NELL1: variants seen among roughly 807,000 people sequenced by gnomAD.
NELL1 encodes neural EGFL like 1.
A neutral mutation model predicts 107.4 loss-of-function variants in NELL1; 76 were observed. That is an observed-to-expected ratio of 0.71 (90% CI 0.59 to 0.86). The LOEUF (loss-of-function observed/expected upper bound fraction) is 0.86. NELL1 is among the 40% of genes least tolerant of loss of function. The probability of loss-of-function intolerance (pLI) is 0.00; values close to 1 mark genes in which losing one functional copy is unlikely to be tolerated. For synonymous variants in NELL1, 353 were observed against 341.2 expected (o/e 1.03, Z -0.38); for missense variants, 1,024 against 1,005.5 (o/e 1.02, Z -0.25).
intron 2 of NELL1, among the ~76,000 whole-genome samples, chr11:20,712,302 T>G (rs1855133425): frequency 6.8e-6 from 1 of 146,322 alleles, no homozygotes; most frequent in South Asian, 2.1e-4. Context: ...TTCCAGAAAT[T>G]ATAATTTTTT....
chr11:20,748,495 C>A (rs1856053967), intron 2 of NELL1, among the ~76,000 whole-genome samples: 1 of 152,078 alleles, frequency 6.6e-6, no homozygotes, highest in African/African-American at 2.4e-5. Context: ...TTTTAGTGTA[C>A]CCATCATCTG....
At chr11:21,232,159 A>AAAAAATATATAT (rs1554985116) in intron 14 of NELL1, among the ~76,000 whole-genome samples, 1 of 73,208 alleles carries the variant, frequency 1.4e-5, no homozygotes, top group Non-Finnish European at 2.8e-5. Flanking sequence ...AAAAAAAAAA[A>AAAAAATATATAT]ATATATATAT....
intron 14 of NELL1, among the ~76,000 whole-genome samples, chr11:21,264,415 G>A (rs1848598293): frequency 6.6e-6 from 1 of 151,792 alleles, no homozygotes; most frequent in Non-Finnish European, 1.5e-5. Context: ...GTTGTATCTG[G>A]AATGAAGGAA....
intron 13 of NELL1, among the ~76,000 whole-genome samples, chr11:21,187,933 AC>A (rs1405641183): frequency 1.3e-5 from 2 of 151,852 alleles, no homozygotes; most frequent in African/African-American, 4.9e-5. Flanking sequence ...GACTTTTAGA[AC>A]CTCAATTTCT....
At chr11:21,437,783 A>G (rs1237427715) in intron 15 of NELL1, among the ~76,000 whole-genome samples, 2 of 152,156 alleles carry the variant, frequency 1.3e-5, no homozygotes, top group Non-Finnish European at 2.9e-5. Flanking sequence ...TTTTCAGTCT[A>G]TACTTACAAG....
In NELL1 at chr11:21,096,288, A is replaced by G. The variant is rs945236973; in HGVS notation, c.1301-17301A>G. Among the ~76,000 whole-genome samples, 28 of 152,214 alleles carry G rather than the reference A, an allele frequency of 1.8e-4. No homozygotes were observed. In the Middle Eastern group the frequency reaches 0.01, roughly 55 times the overall value. On this transcript the variant is annotated intron_variant, in intron 12 of 19. Coordinates refer to ENST00000357134, the MANE Select transcript of NELL1 (RefSeq NM_006157.5). ...TTCTTTGGAAACCTTATTGCATTGTAAAAAAACGTCCCCTACATCCTCATT... is the reference window on the plus strand; with the variant it reads ...TTCTTTGGAAACCTTATTGCATTGTGAAAAAACGTCCCCTACATCCTCATT...
At chr11:20,814,553 G>A (rs1442543211) in intron 3 of NELL1, among the ~76,000 whole-genome samples, 3 of 152,196 alleles carry the variant, frequency 2.0e-5, no homozygotes, top group African/African-American at 7.2e-5. Context: ...TGCAGTGTTT[G>A]GTTTTCTATT....
intron 14 of NELL1, among the ~76,000 whole-genome samples, chr11:21,347,505 G>T (rs1850710648): frequency 6.6e-6 from 1 of 152,134 alleles, no homozygotes; most frequent in South Asian, 2.1e-4. Flanking sequence ...GGGAGGCTGA[G>T]GCAGGAGAAT....
At chr11:21,272,069 G>A (rs1273974997) in intron 14 of NELL1, among the ~76,000 whole-genome samples, 1 of 152,196 alleles carries the variant, frequency 6.6e-6, no homozygotes, top group Non-Finnish European at 1.5e-5. Context: ...GACAGTGGGT[G>A]CAGTGCACCG....
chr11:20,862,459 T>A (rs1848995313), intron 4 of NELL1, among the ~76,000 whole-genome samples: 1 of 152,190 alleles, frequency 6.6e-6, no homozygotes, highest in African/African-American at 2.4e-5. Flanking sequence ...TGACACATTA[T>A]TACCACCCAA....
chr11:21,063,706 C>G (rs575690857), intron 12 of NELL1, among the ~76,000 whole-genome samples: 1 of 152,186 alleles, frequency 6.6e-6, no homozygotes, highest in African/African-American at 2.4e-5. Flanking sequence ...AGCAAAAAGA[C>G]GAATTCACCA....
chr11:21,023,058 C>T lies in NELL1; in HGVS notation c.1300+62498C>T, dbSNP rs559809788. Among the ~76,000 whole-genome samples, 125 of 152,122 alleles carry T rather than the reference C, an allele frequency of 8.2e-4. 2 individuals carry two copies. Among genetic ancestry groups the T allele is most frequent in the Non-Finnish European group, 1.1e-3 (77 of 67,972 alleles). On this transcript the variant is annotated intron_variant, in intron 12 of 19. Transcript: ENST00000357134. ...GGCCTGCATCTGGGAAGAATACTCA[C>T]TGAAATTTTCTAACCCAAAGCTTAA... is the stretch of plus-strand genomic sequence containing the variant.
At chr11:20,845,052 A>G (rs556404286) in intron 3 of NELL1, among the ~76,000 whole-genome samples, 3 of 152,286 alleles carry the variant, frequency 2.0e-5, no homozygotes, top group African/African-American at 7.2e-5. Context: ...GATGTCACTT[A>G]GCCATCCAGT....
chr11:21,148,888 G>A (rs1338617978), intron 13 of NELL1, among the ~76,000 whole-genome samples: 1 of 152,134 alleles, frequency 6.6e-6, no homozygotes, highest in Non-Finnish European at 1.5e-5. Flanking sequence ...CCACATTGTG[G>A]TCCTGGAACA....
At chr11:21,474,025 C>T (rs1854255675) in intron 15 of NELL1, among the ~76,000 whole-genome samples, 1 of 151,970 alleles carries the variant, frequency 6.6e-6, no homozygotes, top group Admixed American at 6.6e-5. Context: ...GATATTTCTC[C>T]TGCACAAAAC....
At chr11:21,494,909 G>A (rs1199904955) in intron 15 of NELL1, among the ~76,000 whole-genome samples, 5 of 151,700 alleles carry the variant, frequency 3.3e-5, no homozygotes, top group South Asian at 2.1e-4. Context: ...AATTAGTGAT[G>A]TAGAGCCATC....
chr11:21,400,264 A>C (rs1852069450), intron 15 of NELL1, among the ~76,000 whole-genome samples: 1 of 151,760 alleles, frequency 6.6e-6, no homozygotes, highest in Admixed American at 6.6e-5. Context: ...AATTCATTCT[A>C]GTCTGTTGTT....
chr11:21,132,996 G>T (rs1384508133), intron 13 of NELL1, among the ~76,000 whole-genome samples: 1 of 152,112 alleles, frequency 6.6e-6, no homozygotes, highest in Non-Finnish European at 1.5e-5. Flanking sequence ...CTTTCTGCAG[G>T]CAGGTCATCC....
intron 15 of NELL1, among the ~76,000 whole-genome samples, chr11:21,424,516 G>A (rs941468166): frequency 6.6e-6 from 1 of 152,108 alleles, no homozygotes; most frequent in African/African-American, 2.4e-5. Context: ...AGCTACTTGG[G>A]AGGCTGAGGC....
Sources: allele counts gnomAD v4.1 joint callset (sites outside exome capture counted in the v4.1 genomes callset), GRCh38; gene constraint gnomAD v4.1.1; transcripts MANE v1.5; gene names NCBI Gene and HGNC (gene_info 2026-07-23, HGNC 2026-07-21).